The following UNC5C variants were observed in gnomAD, a reference collection of about 807,000 sequenced individuals.
The protein encoded by UNC5C is netrin receptor UNC5C.
Under a neutral mutation model 99.8 loss-of-function variants are expected in UNC5C, and 47 were observed. That is an observed-to-expected ratio of 0.47 (90% CI 0.37 to 0.60). The LOEUF is 0.60. Ranked by LOEUF, UNC5C falls within the 20% of genes least tolerant of loss-of-function variation. UNC5C has a pLI of 0.00. For missense variants in UNC5C, 1,062 were observed against 1,165.9 expected (o/e 0.91, Z 1.30); for synonymous variants, 487 against 452.2 (o/e 1.08, Z -0.98).
At chr4:95,320,341 G>A (rs923240826) in intron 2 of UNC5C, among the ~76,000 whole-genome samples, 1 of 146,312 alleles carries the variant, frequency 6.8e-6, no homozygotes, top group Admixed American at 7.0e-5. Context: ...AGGATTGCTT[G>A]AACCCAGGAG....
At chr4:95,354,479 A>ATACATATTTTTTTT in intron 1 of UNC5C, among the ~76,000 whole-genome samples, 1 of 110,352 alleles carries the variant, frequency 9.1e-6, no homozygotes, top group Admixed American at 9.4e-5. Context: ...ATATATATAT[A>ATACATATTTTTTTT]TTTTTTTTTT....
At chr4:95,405,176 A>G (rs1745801378) in intron 1 of UNC5C, among the ~76,000 whole-genome samples, 1 of 152,188 alleles carries the variant, frequency 6.6e-6, no homozygotes, top group Non-Finnish European at 1.5e-5. Flanking sequence ...GTTAACATTC[A>G]AGCCATCTGA....
At chr4:95,291,954 C>T (rs1741472916) in intron 3 of UNC5C, among the ~76,000 whole-genome samples, 1 of 151,860 alleles carries the variant, frequency 6.6e-6, no homozygotes, top group East Asian at 1.9e-4. Context: ...TACAGGGGAG[C>T]CTGCTGAATC....
At chr4:95,277,293 C>T (rs901067235) in intron 4 of UNC5C, among the ~76,000 whole-genome samples, 1 of 152,120 alleles carries the variant, frequency 6.6e-6, no homozygotes, top group Admixed American at 6.6e-5. Context: ...GAGAGTAAAA[C>T]TTTCAAATGA....
intron 7 of UNC5C, among the ~76,000 whole-genome samples, chr4:95,221,936 C>T (rs1250271452): frequency 6.6e-6 from 1 of 152,082 alleles, no homozygotes; most frequent in Non-Finnish European, 1.5e-5. Flanking sequence ...TGAACCCTGC[C>T]CTTTACTTAT....
At chr4:95,448,235 A>T (rs1415942816) in intron 1 of UNC5C, among the ~76,000 whole-genome samples, 20 of 145,264 alleles carry the variant, frequency 1.4e-4, no homozygotes, top group South Asian at 1.3e-3. Flanking sequence ...TGTGAGAGAG[A>T]GAGAGAGAGA....
chr4:95,537,852 G>A (rs181960146), intron 1 of UNC5C, among the ~76,000 whole-genome samples: 1 of 152,056 alleles, frequency 6.6e-6, no homozygotes, highest in Non-Finnish European at 1.5e-5. Flanking sequence ...TGTTTGGGGT[G>A]GGGGGAGCGT....
At chr4:95,276,560 T>C (rs1160789561) in intron 4 of UNC5C, among the ~76,000 whole-genome samples, 1 of 152,214 alleles carries the variant, frequency 6.6e-6, no homozygotes, top group South Asian at 2.1e-4. Context: ...AATGATGCCA[T>C]GGATACCCAT....
chr4:95,499,610 GGC>G (rs1383638218), intron 1 of UNC5C, among the ~76,000 whole-genome samples: 8 of 152,030 alleles, frequency 5.3e-5, no homozygotes, highest in Non-Finnish European at 7.4e-5. Context: ...ACACTGATCT[GGC>G]GAGAGAAGTG....
chr4:95,311,352 A>T (rs1331616888), intron 2 of UNC5C, among the ~76,000 whole-genome samples: 3 of 152,214 alleles, frequency 2.0e-5, no homozygotes, highest in African/African-American at 7.2e-5. Context: ...AAGGGAACAA[A>T]GCATGTTCCA....
intron 12 of UNC5C, among the ~76,000 whole-genome samples, chr4:95,196,414 G>A (rs1322527301): frequency 1.3e-5 from 2 of 151,916 alleles, no homozygotes; most frequent in Admixed American, 6.6e-5. Context: ...GCTCCCAGTG[G>A]TCCTTCAAGC....
chr4:95,183,204 G>T, intron 13 of UNC5C, 143 bp from the exon 14 acceptor site: 1 of 747,196 alleles, frequency 1.3e-6, no homozygotes, highest in Non-Finnish European at 2.0e-6. Flanking sequence ...GTACATCCTG[G>T]ACCCTTATCA....
intron 1 of UNC5C, among the ~76,000 whole-genome samples, chr4:95,532,264 A>G (rs1412514655): frequency 6.6e-6 from 1 of 151,848 alleles, no homozygotes; most frequent in Non-Finnish European, 1.5e-5. Context: ...GGAAGCACTC[A>G]CTCCTGAGAT....
chr4:95,316,998 C>T (rs1157771694), intron 2 of UNC5C, among the ~76,000 whole-genome samples: 1 of 150,016 alleles, frequency 6.7e-6, no homozygotes, highest in South Asian at 2.1e-4. Flanking sequence ...AACACATATG[C>T]CAAAATAAAA....
At chr4:95,495,543 G>A (rs1055295349) in intron 1 of UNC5C, among the ~76,000 whole-genome samples, 1 of 151,614 alleles carries the variant, frequency 6.6e-6, no homozygotes, top group Non-Finnish European at 1.5e-5. Context: ...ACATCATAAA[G>A]ATCACATTAA....
At chr4:95,494,439 T>C (rs1186202737) in intron 1 of UNC5C, among the ~76,000 whole-genome samples, 1 of 151,400 alleles carries the variant, frequency 6.6e-6, no homozygotes, top group African/African-American at 2.4e-5. Flanking sequence ...GGCCCCATAA[T>C]TTGCACTGGA....
intron 1 of UNC5C, among the ~76,000 whole-genome samples, chr4:95,401,440 T>A (rs1026331142): frequency 6.6e-6 from 1 of 152,118 alleles, no homozygotes; most frequent in African/African-American, 2.4e-5. Flanking sequence ...TAGCTGGGAC[T>A]ACAGGAGTGC....
chr4:95,362,221 G>A (rs998674600), intron 1 of UNC5C, among the ~76,000 whole-genome samples: 2 of 151,994 alleles, frequency 1.3e-5, no homozygotes, highest in South Asian at 2.1e-4. Flanking sequence ...CTTAGGCCAC[G>A]TGGTTCGGTT....
At chr4:95,304,527 T>A (rs1027454650) in intron 2 of UNC5C, among the ~76,000 whole-genome samples, 1 of 152,132 alleles carries the variant, frequency 6.6e-6, no homozygotes, top group Admixed American at 6.5e-5. Flanking sequence ...TATGGGAAGA[T>A]GGAATCACAA....
Sources: gnomAD v4.1 joint callset for allele counts (sites outside exome capture counted in the v4.1 genomes callset) on GRCh38, gnomAD v4.1.1 for gene constraint, MANE v1.5 for transcripts, NCBI Gene and HGNC (gene_info 2026-07-23, HGNC 2026-07-21) for gene names.